The following PGD variants were observed in gnomAD, a reference collection of about 807,000 sequenced individuals.
PGD encodes 6-phosphogluconate dehydrogenase, decarboxylating.
PGD carries 21 observed loss-of-function variants against 60.4 expected under a neutral mutation model. That is an observed-to-expected ratio of 0.35 (90% CI 0.25 to 0.50). PGD has a LOEUF of 0.50. Ranked by LOEUF, PGD falls within the 20% of genes least tolerant of loss-of-function variation. The pLI is 0.98. For synonymous variants in PGD, 230 were observed against 235.9 expected, an observed-to-expected ratio of 0.97 and a Z score of 0.23; for missense variants, 477 against 613.1, an observed-to-expected ratio of 0.78 and a Z score of 2.34.
At chr1:10,408,872 A>G (rs530701932) in intron 6 of PGD, among the ~76,000 whole-genome samples, 16 of 152,240 alleles carry the variant, frequency 1.1e-4, no homozygotes, top group African/African-American at 3.9e-4. Context: ...TGGCCTCACA[A>G]AGTGCTGAGG....
At chr1:10,408,944 T>C (rs757230575) in intron 6 of PGD, among the ~76,000 whole-genome samples, 3 of 152,126 alleles carry the variant, frequency 2.0e-5, no homozygotes, top group Admixed American at 2.0e-4. Flanking sequence ...TTATCTCATA[T>C]TGTAGTTCAG....
intron 7 of PGD, chr1:10,412,858 A>T: frequency 1.9e-6 from 1 of 520,788 alleles, no homozygotes; most frequent in Non-Finnish European, 3.5e-6. Context: ...GGTGGCCAGA[A>T]ATTCAGTATA....
chr1:10,418,085 G>A (rs986712392), intron 10 of PGD, among the ~76,000 whole-genome samples: 1 of 68,504 alleles, frequency 1.5e-5, no homozygotes, highest in Admixed American at 1.6e-4. Flanking sequence ...CTTGCCTCTT[G>A]GGAATTTTGC....
At chr1:10,402,528 AT>A (rs1179003611) in intron 3 of PGD, among the ~76,000 whole-genome samples, 36 of 144,450 alleles carry the variant, frequency 2.5e-4, no homozygotes, top group African/African-American at 3.3e-4. Flanking sequence ...CTCAAAAAAA[AT>A]TTTTTTTTTT....
At position 10,413,199 on chromosome 1, in the gene PGD, G is replaced by A. The variant is rs749392693; in HGVS notation, c.792G>A (p.Gly264=). ...ACAGCGCGGGGCAGAAGGGCACAGG[G>A]AAGTGGACCGCCATCTCCGCCCTGG... The part of the protein sequence containing the change: ...IRDSAGQKGT[G]KWTAISALEY... Residue 264 remains glycine, a synonymous_variant, in exon 8 of 13, where the codon GGG becomes GGA. Transcript: ENST00000270776. 8.7e-6 allele frequency: 14 copies of A among 1,614,084 alleles called. No individual in the cohort carries two copies. The South Asian group carries it at 1.1e-4, about 13-fold the overall frequency.
intron 8 of PGD, 27 bp from the exon 9 acceptor site, chr1:10,416,959 GT>G (rs1391227257): frequency 2.5e-6 from 4 of 1,609,774 alleles, no homozygotes; most frequent in Admixed American, 1.7e-5. Flanking sequence ...ACAGTAATCT[GT>G]TTCCTCTTCC....
chr1:10,403,221 G>A (rs1569970752), intron 4 of PGD, 85 bp downstream of exon 4: 3 of 900,042 alleles, frequency 3.3e-6, no homozygotes, highest in East Asian at 2.4e-5. Context: ...ACAGTAGGGT[G>A]AACTGCCCTG....
At chr1:10,403,034 A>C (rs1639340828) in intron 3 of PGD, 37 bp from the exon 4 acceptor site, 1 of 1,346,874 alleles carries the variant, frequency 7.4e-7, no homozygotes, top group South Asian at 1.2e-5. Context: ...GGTATGTTTC[A>C]TTTTTGGTCC....
chr1:10,417,641 A>G, intron 10 of PGD, 132 bp downstream of exon 10: 2 of 793,262 alleles, frequency 2.5e-6, no homozygotes, highest in Non-Finnish European at 3.9e-6. Context: ...CTGGCACAAG[A>G]TAGGCTTAGA....
At chr1:10,415,700 T>C (rs937557114) in intron 8 of PGD, among the ~76,000 whole-genome samples, 2 of 152,350 alleles carry the variant, frequency 1.3e-5, no homozygotes, top group East Asian at 3.9e-4. Flanking sequence ...TGCTCCTCTT[T>C]CCTCAGAAAT....
intron 5 of PGD, among the ~76,000 whole-genome samples, chr1:10,406,857 T>C (rs923912796): frequency 1.3e-5 from 2 of 152,202 alleles, no homozygotes; most frequent in African/African-American, 2.4e-5. Flanking sequence ...AACCATTCTG[T>C]GCCTGGCAGC....
intron 7 of PGD, among the ~76,000 whole-genome samples, chr1:10,411,876 C>T (rs564381258): frequency 9.2e-5 from 14 of 152,298 alleles, no homozygotes; most frequent in Admixed American, 2.0e-4. Context: ...AGCTTTCTTT[C>T]CTGATCAAGT....
chr1:10,419,967 T>A lies in PGD; in HGVS notation c.*218T>A. ...CTTGGGACTGACCAGGAGCTGCTCA[T>A]GTGCGTGAGAGTGGGAACCATCTCC... is the stretch of plus-strand genomic sequence containing the variant. On this transcript the variant is annotated 3_prime_UTR_variant, in exon 13 of 13. Coordinates refer to ENST00000270776, the MANE Select transcript of PGD (RefSeq NM_002631.4). The A allele has an allele frequency of 1.8e-6, 1 of 553,856 alleles. No individual in the cohort carries two copies. Among genetic ancestry groups the A allele is most frequent in the South Asian group, 2.0e-5 (1 of 49,194 alleles). The allele number at this position is 553,856 out of a possible 1,614,324, so 34.3% of individuals were successfully genotyped here.
At position 10,413,172 on chromosome 1, in the gene PGD, G is replaced by A. The variant is rs1232181660; in HGVS notation, c.765G>A (p.Arg255=). 6.2e-7 allele frequency: 1 copy of A among 1,614,170 alleles called. No individual in the cohort carries two copies. The highest frequency in any genetic ancestry group is 1.1e-5 in the South Asian group (1 of 91,086). ...GCAAACACCTGCTGCCAAAGATCAG[G>A]GACAGCGCGGGGCAGAAGGGCACAG... is the stretch of plus-strand genomic sequence containing the variant. ...TDGKHLLPKI[R]DSAGQKGTGK... Residue 255 remains arginine, a synonymous_variant, in exon 8 of 13, where the codon AGG becomes AGA. Transcript: ENST00000270776.
Position 10,410,844 on chromosome 1 carries a change from T to TTATAAA in PGD, c.520-550_520-545dup, listed in dbSNP as rs564899684. The stretch of plus-strand genomic sequence containing the variant: ...TTATAAATAAAGATCTGGTCTTTAT[T>TTATAAA]TATAAATATAAATATAAATATAAAT... On this transcript the variant is annotated intron_variant, in intron 6 of 12. Coordinates refer to ENST00000270776, the MANE Select transcript of PGD (RefSeq NM_002631.4). Among the ~76,000 whole-genome samples the TTATAAA allele has an allele frequency of 8.7e-3, 1,313 of 151,552 alleles. 18 individuals carry two copies. The highest frequency in any genetic ancestry group is 0.027 in the African/African-American group (1,132 of 41,326).
rs569919927 is a variant in PGD, at chr1:10,415,955, CA to C, written c.845-1031del. 1.5e-4 allele frequency among the ~76,000 whole-genome samples: 23 copies of C among 151,970 alleles called. No homozygotes were observed. In the East Asian group the frequency reaches 3.9e-3, roughly 25 times the overall value. On this transcript the variant is annotated intron_variant, in intron 8 of 12. Transcript: ENST00000270776. Reference sequence around the variant, plus strand: ...AAAACCGTAAAATATAAAAACCTAACATTTTTTTGAGAGGTGAGTCCGTAAA... The same window carrying C: ...AAAACCGTAAAATATAAAAACCTAACTTTTTTTGAGAGGTGAGTCCGTAAA...
chr1:10,403,393 C>A (rs1639348015), intron 4 of PGD, among the ~76,000 whole-genome samples: 1 of 151,888 alleles, frequency 6.6e-6, no homozygotes, highest in Non-Finnish European at 1.5e-5. Context: ...AGATCAAGAC[C>A]ATCCTGGCTA....
chr1:10,404,059 A>G (rs1231492615), intron 4 of PGD, 102 bp from the exon 5 acceptor site: 1 of 797,810 alleles, frequency 1.3e-6, no homozygotes, highest in Admixed American at 2.3e-5. Flanking sequence ...CCTATCTTAT[A>G]CTTCCTCTCA....
intron 9 of PGD, 124 bp from the exon 10 acceptor site, chr1:10,417,252 T>TAA: frequency 1.4e-6 from 2 of 1,434,234 alleles, no homozygotes; most frequent in Non-Finnish European, 1.9e-6. Context: ...GATCTTGACT[T>TAA]ACAATGTTTT....
Sources: allele counts gnomAD v4.1 joint callset (sites outside exome capture counted in the v4.1 genomes callset), GRCh38; gene constraint gnomAD v4.1.1; transcripts MANE v1.5; gene names NCBI Gene and HGNC (gene_info 2026-07-23, HGNC 2026-07-21).